Variants in TENM4 observed in about 807,000 individuals in gnomAD.
TENM4 encodes teneurin transmembrane protein 4, also known as teneurin-4.
TENM4 carries 82 observed loss-of-function variants against 243.3 expected under a neutral mutation model. The ratio of observed to expected loss-of-function variants is 0.34; its 90% confidence interval spans 0.28 to 0.40. The LOEUF is 0.40. Ranked by LOEUF, TENM4 falls within the 10% of genes least tolerant of loss-of-function variation. The pLI is 1.00. For missense variants in TENM4, 3,138 were observed against 3,673.3 expected (o/e 0.85, Z 3.77); for synonymous variants, 1,412 against 1,456.3 (o/e 0.97, Z 0.69).
chr11:78,738,643 A>C, intron 19 of TENM4, 73 bp from the exon 20 acceptor site: 1 of 1,503,774 alleles, frequency 6.6e-7, no homozygotes, highest in Admixed American at 2.1e-5. Flanking sequence ...GGGAACCCCG[A>C]GAGGCCAGAA....
intron 1 of TENM4, among the ~76,000 whole-genome samples, chr11:79,369,502 G>T (rs1488396417): frequency 6.6e-6 from 1 of 152,150 alleles, no homozygotes; most frequent in Non-Finnish European, 1.5e-5. Flanking sequence ...AATAGAACAG[G>T]TGCTCAACTT....
At chr11:79,196,013 C>T (rs1332033987) in intron 3 of TENM4, among the ~76,000 whole-genome samples, 2 of 152,234 alleles carry the variant, frequency 1.3e-5, no homozygotes, top group Middle Eastern at 3.4e-3. Context: ...ATAAGCCTCA[C>T]GAGATCTGAT....
In TENM4 at chr11:78,958,191, A is replaced by T. The variant is rs75321564; in HGVS notation, c.494-54668T>A. 9.2e-5 allele frequency among the ~76,000 whole-genome samples: 14 copies of T among 152,328 alleles called. No homozygotes were observed. In the East Asian group the frequency reaches 2.7e-3, roughly 29 times the overall value. The stretch of plus-strand genomic sequence containing the variant: ...CATAGAAAGTCCTTATTAAATGTCA[A>T]TTCTCCCACCCACCCACTACCTTAC... On this transcript the variant is annotated intron_variant, in intron 6 of 33. Coordinates refer to ENST00000278550, the MANE Select transcript of TENM4 (RefSeq NM_001098816.3).
intron 4 of TENM4, among the ~76,000 whole-genome samples, chr11:79,070,975 C>A (rs1331786079): frequency 6.6e-6 from 1 of 152,222 alleles, no homozygotes; most frequent in African/African-American, 2.4e-5. Context: ...CACTGGGCAG[C>A]ACAGTGTCTG....
intron 3 of TENM4, among the ~76,000 whole-genome samples, chr11:79,211,044 AC>A (rs901544011): frequency 2.0e-5 from 3 of 151,646 alleles, no homozygotes; most frequent in African/African-American, 7.3e-5. Flanking sequence ...ACCTGCAACC[AC>A]TCTTCTGCTT....
At chr11:79,254,456 C>T (rs747411331) in intron 2 of TENM4, among the ~76,000 whole-genome samples, 41 of 152,140 alleles carry the variant, frequency 2.7e-4, no homozygotes, top group African/African-American at 8.2e-4. Context: ...CTTTCTTTTA[C>T]GGAAGAATAG....
At chr11:79,142,508 T>G (rs749809455) in intron 4 of TENM4, among the ~76,000 whole-genome samples, 22 of 152,086 alleles carry the variant, frequency 1.4e-4, no homozygotes, top group South Asian at 1.2e-3. Context: ...GAAAGATATT[T>G]CTTGTTTATG....
rs549954574 is a variant in TENM4 at position 78,694,707 on chromosome 11, A to G, written c.5088-6481T>C. ...TCTCTGTCCTCTCTCTGCCCAGAGC[A>G]GCTGACCCCTGCAGACTGTGTCACT... On this transcript the variant is annotated intron_variant, in intron 28 of 33. Coordinates refer to ENST00000278550, the MANE Select transcript of TENM4 (RefSeq NM_001098816.3). 1.6e-4 allele frequency among the ~76,000 whole-genome samples: 25 copies of G among 152,302 alleles called. No homozygotes were observed. In the South Asian group the frequency reaches 3.3e-3, roughly 20 times the overall value.
At chr11:79,268,608 A>G (rs775755986) in intron 2 of TENM4, among the ~76,000 whole-genome samples, 4 of 152,220 alleles carry the variant, frequency 2.6e-5, no homozygotes, top group Non-Finnish European at 2.9e-5. Context: ...ACCCAACACT[A>G]TCATGGTCAT....
chr11:79,003,144 A>C (rs961787521), intron 6 of TENM4, among the ~76,000 whole-genome samples: 1 of 152,240 alleles, frequency 6.6e-6, no homozygotes, highest in African/African-American at 2.4e-5. Flanking sequence ...GCCTTTAAGA[A>C]ATATGGAATT....
intron 6 of TENM4, among the ~76,000 whole-genome samples, chr11:78,979,413 T>C (rs1314316816): frequency 1.3e-5 from 2 of 152,154 alleles, no homozygotes; most frequent in Non-Finnish European, 1.5e-5. Flanking sequence ...AAGGCCTTAA[T>C]TGATGGAGCC....
intron 6 of TENM4, among the ~76,000 whole-genome samples, chr11:78,927,965 G>T (rs1437319599): frequency 6.6e-6 from 1 of 152,066 alleles, no homozygotes; most frequent in Non-Finnish European, 1.5e-5. Flanking sequence ...AGCCCACTAA[G>T]TCTGTCCTGC....
intron 2 of TENM4, among the ~76,000 whole-genome samples, chr11:79,261,853 A>T (rs1410132439): frequency 6.6e-6 from 1 of 152,192 alleles, no homozygotes; most frequent in African/African-American, 2.4e-5. Context: ...GAGTCCCTCC[A>T]AAGAAAGATG....
chr11:78,666,987 T>A (rs892799645), intron 32 of TENM4, among the ~76,000 whole-genome samples: 3 of 151,870 alleles, frequency 2.0e-5, no homozygotes, highest in African/African-American at 7.2e-5. Flanking sequence ...TTGCACCATG[T>A]TTTTTTTCAG....
chr11:79,348,004 C>T (rs1214641395), intron 1 of TENM4, among the ~76,000 whole-genome samples: 2 of 151,978 alleles, frequency 1.3e-5, no homozygotes, highest in African/African-American at 2.4e-5. Context: ...TGGTCTCGAT[C>T]TCCGGACCTC....
intron 7 of TENM4, among the ~76,000 whole-genome samples, chr11:78,900,505 A>G (rs1855903738): frequency 6.6e-6 from 1 of 152,198 alleles, no homozygotes; most frequent in Admixed American, 6.5e-5. Context: ...TTTTTGAATG[A>G]CATTTTTATC....
chr11:78,922,894 G>A (rs149513912), intron 6 of TENM4, among the ~76,000 whole-genome samples: 566 of 152,316 alleles, frequency 3.7e-3, no homozygotes, highest in Admixed American at 7.1e-3. Flanking sequence ...TCCAGCCAGT[G>A]CTCAAGACAT....
At chr11:78,715,784 A>G (rs763191582) in intron 25 of TENM4, among the ~76,000 whole-genome samples, 60 of 152,260 alleles carry the variant, frequency 3.9e-4, no homozygotes, top group Non-Finnish European at 6.2e-4. Context: ...TATACATCTC[A>G]ACAGCCCTTT....
At chr11:79,131,616 A>G (rs920474648) in intron 4 of TENM4, among the ~76,000 whole-genome samples, 18 of 152,200 alleles carry the variant, frequency 1.2e-4, no homozygotes, top group African/African-American at 3.1e-4. Context: ...AAACAAAAAT[A>G]CAAGTTAAAA....
Sources: gnomAD v4.1 joint callset for allele counts (sites outside exome capture counted in the v4.1 genomes callset) on GRCh38, gnomAD v4.1.1 for gene constraint, MANE v1.5 for transcripts, NCBI Gene and HGNC (gene_info 2026-07-23, HGNC 2026-07-21) for gene names.